Variants in ZNF410 observed in about 807,000 individuals in gnomAD.
The protein encoded by ZNF410 is zinc finger protein 410.
Under a neutral mutation model 54.8 loss-of-function variants are expected in ZNF410, and 18 were observed. The observed-to-expected ratio is 0.33, with a 90% confidence interval of 0.23 to 0.49. The LOEUF (loss-of-function observed/expected upper bound fraction) is 0.49. Ranked by LOEUF, ZNF410 falls within the 20% of genes least tolerant of loss-of-function variation. The pLI is 0.99. For missense variants in ZNF410, 405 were observed against 569.6 expected (o/e 0.71, Z 2.94); for synonymous variants, 191 against 207.3 (o/e 0.92, Z 0.68).
chr14:73,917,322 T>C (rs562633686), intron 8 of ZNF410, among the ~76,000 whole-genome samples: 5 of 152,324 alleles, frequency 3.3e-5, no homozygotes, highest in African/African-American at 9.6e-5. Flanking sequence ...CAGCTTGATA[T>C]GTAGATTTGC....
At chr14:73,926,017 G>C (rs945868439) in intron 11 of ZNF410, among the ~76,000 whole-genome samples, 1 of 152,190 alleles carries the variant, frequency 6.6e-6, no homozygotes, top group Non-Finnish European at 1.5e-5. Flanking sequence ...CTGGGTGACA[G>C]AGTGAGACCC....
chr14:73,919,150 C>T (rs1468521980), intron 8 of ZNF410, among the ~76,000 whole-genome samples: 1 of 150,806 alleles, frequency 6.6e-6, no homozygotes, highest in Admixed American at 6.6e-5. Flanking sequence ...GGATTATATG[C>T]GCCCGCCACC....
intron 11 of ZNF410, among the ~76,000 whole-genome samples, chr14:73,929,548 G>A (rs17094045): frequency 0.085 from 12,958 of 152,090 alleles, 959 homozygotes; most frequent in East Asian, 0.44. Context: ...AACCAAATCT[G>A]TTATCAGAAA....
chr14:73,902,879 A>C (rs1419746090), intron 5 of ZNF410, among the ~76,000 whole-genome samples: 2 of 152,196 alleles, frequency 1.3e-5, no homozygotes, highest in Non-Finnish European at 2.9e-5. Context: ...ATTCTGTTGA[A>C]CAAAACTCCA....
chr14:73,894,380 A>T (rs1566651054), intron 3 of ZNF410: 1 of 701,698 alleles, frequency 1.4e-6, no homozygotes, highest in East Asian at 2.7e-5. Flanking sequence ...TGGAGAGAAG[A>T]GGATGGAAAG....
intron 5 of ZNF410, among the ~76,000 whole-genome samples, chr14:73,900,671 G>GGT (rs1002815293): frequency 1.3e-4 from 20 of 152,238 alleles, no homozygotes; most frequent in African/African-American, 4.8e-4. Context: ...CACCGTGCGT[G>GGT]GTCCCACATA....
intron 2 of ZNF410, among the ~76,000 whole-genome samples, chr14:73,892,462 A>G (rs1891193403): frequency 6.6e-6 from 1 of 151,724 alleles, no homozygotes; most frequent in African/African-American, 2.4e-5. Flanking sequence ...TCTTATAAAT[A>G]AAAATATATG....
chr14:73,894,032 G>C, intron 3 of ZNF410, 100 bp downstream of exon 3: 1 of 1,434,302 alleles, frequency 7.0e-7, no homozygotes, highest in Non-Finnish European at 9.3e-7. Context: ...TAACTGACTG[G>C]TGGAAACTGT....
Position 73,904,944 on chromosome 14 carries a change from A to G in ZNF410, c.774A>G (p.Lys258=), listed in dbSNP as rs143789528. ...SFICPAEGCG[K]SFYVLQRLKV... Reference sequence around the variant, plus strand: ...TCTGTCCTGCAGAAGGTTGTGGGAAAAGCTTCTATGTGCTGCAGAGGCTGA... The same window carrying G: ...TCTGTCCTGCAGAAGGTTGTGGGAAGAGCTTCTATGTGCTGCAGAGGCTGA... Residue 258 remains lysine (K), a synonymous_variant, in exon 7 of 12, where the codon AAA becomes AAG. Coordinates refer to ENST00000555044, the MANE Select transcript of ZNF410 (RefSeq NM_021188.3). 38 of 1,614,184 alleles carry G rather than the reference A, an allele frequency of 2.4e-5. No homozygotes were observed. The African/African-American group carries it at 3.6e-4, about 15-fold the overall frequency.
Position 73,896,307 on chromosome 14 carries a change from C to T in ZNF410, c.170-9C>T, listed in dbSNP as rs1172866575. 6.2e-7 allele frequency: 1 copy of T among 1,611,866 alleles called. No homozygotes were observed. ...GCTACATAAAGCTGTGGTATTTTCC[C>T]TTTACTAGATGATACTACAAATCAT... On this transcript the variant is annotated splice_polypyrimidine_tract_variant and intron_variant, in intron 3 of 11. Coordinates refer to ENST00000555044, the MANE Select transcript of ZNF410 (RefSeq NM_021188.3).
At chr14:73,920,801 G>C in intron 8 of ZNF410, 179 bp from the exon 9 acceptor site, 1 of 675,538 alleles carries the variant, frequency 1.5e-6, no homozygotes, top group East Asian at 2.9e-5. Flanking sequence ...AGCCCTCCTG[G>C]TGTACTCTTC....
At chr14:73,895,026 G>T (rs1359269568) in intron 3 of ZNF410, among the ~76,000 whole-genome samples, 1 of 152,072 alleles carries the variant, frequency 6.6e-6, no homozygotes, top group Non-Finnish European at 1.5e-5. Context: ...GCTGGGCATG[G>T]TGGTGTGCAG....
At chr14:73,907,062 T>C (rs1422622520) in intron 7 of ZNF410, among the ~76,000 whole-genome samples, 1 of 152,196 alleles carries the variant, frequency 6.6e-6, no homozygotes, top group African/African-American at 2.4e-5. Flanking sequence ...ATATACATTA[T>C]CTCATTTAAT....
rs746817624 is a variant in ZNF410, at chr14:73,921,401, T to G, written c.1129+296T>G. 8.5e-5 allele frequency: 23 copies of G among 269,584 alleles called. 1 individual carries two copies. The highest frequency in any genetic ancestry group is 1.5e-4 in the Admixed American group (3 of 20,318). The allele number at this position is 269,584 out of a possible 1,614,324, so 16.7% of individuals were successfully genotyped here. A position where few individuals can be genotyped will look rare whatever the true frequency, so the allele number is the denominator to read the frequency against. On this transcript the variant is annotated intron_variant, in intron 9 of 11. Transcript: ENST00000555044. ...AGTTTTAAAAGTTTCCCTAGTGAGT[T>G]TGATGGTAACTAGTGCTGATCCATG...
chr14:73,896,194 T>G, intron 3 of ZNF410, 122 bp from the exon 4 acceptor site: 28 of 697,768 alleles, frequency 4.0e-5, no homozygotes, highest in Middle Eastern at 4.0e-4. Context: ...ATTTGTGTAA[T>G]GAGAATGCTG....
In ZNF410 at chr14:73,922,142, G is replaced by T; in HGVS notation, c.1206G>T (p.Gln402His). The T allele has an allele frequency of 6.2e-7, 1 of 1,614,096 alleles. No individual in the cohort carries two copies. The highest frequency in any genetic ancestry group is 8.5e-7 in the Non-Finnish European group (1 of 1,180,020). Residue 402 changes from glutamine to histidine, a missense_variant, in exon 10 of 12, where the codon CAG (glutamine) becomes CAT (histidine). Physicochemically the swap from Gln to His is conservative, Grantham distance 24. Around this residue, in one of 3 missense-constraint regions of ZNF410, gnomAD observed 127 missense variants for 141.3 expected, o/e 0.90. Transcript: ENST00000555044. The part of the protein sequence containing the change: ...PSKNLVSMNS[Q>H]PSLGGESLNL... ...AAAACCTGGTGTCTATGAATTCCCAGCCCAGCCTTGGTGGAGAGTCCTTGA... is the reference window on the plus strand; with the variant it reads ...AAAACCTGGTGTCTATGAATTCCCATCCCAGCCTTGGTGGAGAGTCCTTGA...
intron 5 of ZNF410, among the ~76,000 whole-genome samples, chr14:73,900,091 A>T (rs990088496): frequency 8.8e-6 from 1 of 114,186 alleles, no homozygotes; most frequent in African/African-American, 2.9e-5. Flanking sequence ...GCTACTCAGG[A>T]AGGCTGAGAC....
chr14:73,901,214 C>T (rs1025332689), intron 5 of ZNF410, among the ~76,000 whole-genome samples: 1 of 152,200 alleles, frequency 6.6e-6, no homozygotes, highest in Admixed American at 6.5e-5. Flanking sequence ...GGAACATAGG[C>T]ATCCACATTA....
rs766197454 is a variant in ZNF410 at position 73,921,115 on chromosome 14, G to T, written c.1129+10G>T. On this transcript the variant is annotated intron_variant, in intron 9 of 11. Transcript: ENST00000555044. ...GAGCAGGAGCAAACTGGTGAGGAGG[G>T]TGGGCATAGTGGAACGCTGTACTAC... 29 of 1,613,456 alleles carry T rather than the reference G, an allele frequency of 1.8e-5. No individual in the cohort carries two copies. Among genetic ancestry groups the T allele is most frequent in the Non-Finnish European group, 2.4e-5 (28 of 1,179,876 alleles).
Sources: gnomAD v4.1 joint callset for allele counts (sites outside exome capture counted in the v4.1 genomes callset) on GRCh38, gnomAD v4.1.1 for gene constraint, gnomAD v4.1.1 regional missense constraint, MANE v1.5 for transcripts, NCBI Gene and HGNC (gene_info 2026-07-23, HGNC 2026-07-21) for gene names.